Variants in MYO16 observed in about 807,000 individuals in gnomAD.
MYO16 encodes the protein unconventional myosin-XVI.
Under a neutral mutation model 205.3 loss-of-function variants are expected in MYO16, and 94 were observed. That is an observed-to-expected ratio of 0.46 (90% CI 0.39 to 0.54). The LOEUF (loss-of-function observed/expected upper bound fraction) is 0.54. Among genes scored for constraint, MYO16 ranks in the 20% least tolerant of loss-of-function variants. MYO16 has a pLI of 0.00. For missense variants in MYO16, 2,315 were observed against 2,387.5 expected (o/e 0.97, Z 0.63); for synonymous variants, 988 against 954.0 (o/e 1.04, Z -0.66).
At chr13:108,767,290 G>A (rs1254844605) in intron 4 of MYO16, among the ~76,000 whole-genome samples, 4 of 152,072 alleles carry the variant, frequency 2.6e-5, no homozygotes, top group African/African-American at 9.7e-5. Flanking sequence ...TTTTAGTGGA[G>A]ACAAGGTTTC....
chr13:108,902,944 G>A (rs947333267), intron 15 of MYO16, among the ~76,000 whole-genome samples: 3 of 152,142 alleles, frequency 2.0e-5, no homozygotes, highest in Non-Finnish European at 4.4e-5. Flanking sequence ...TCTGAGTAAC[G>A]TGATGAAATC....
intron 4 of MYO16, among the ~76,000 whole-genome samples, chr13:108,767,437 A>C (rs1885817593): frequency 6.6e-6 from 1 of 152,010 alleles, no homozygotes. Context: ...ACATTTATAA[A>C]GGGCTCTTTT....
intron 20 of MYO16, among the ~76,000 whole-genome samples, chr13:108,988,912 C>T (rs1380854103): frequency 6.6e-6 from 1 of 152,098 alleles, no homozygotes; most frequent in African/African-American, 2.4e-5. Flanking sequence ...TCTCCTTATT[C>T]CTGAAGTTGT....
intron 21 of MYO16, among the ~76,000 whole-genome samples, chr13:109,005,753 A>G (rs917166502): frequency 9.9e-5 from 15 of 152,124 alleles, no homozygotes; most frequent in African/African-American, 3.6e-4. Flanking sequence ...CTTTACAGCA[A>G]GTCCACCCAG....
At chr13:108,516,465 C>A in the MYO16 span, among the ~76,000 whole-genome samples, 1 of 152,074 alleles carries the variant, frequency 6.6e-6, no homozygotes, top group South Asian at 2.1e-4. Flanking sequence ...AGCTGTAGAC[C>A]GGAGCTGTTC....
intron 27 of MYO16, among the ~76,000 whole-genome samples, chr13:109,096,175 T>C (rs1214753860): frequency 6.6e-6 from 1 of 152,140 alleles, no homozygotes; most frequent in Non-Finnish European, 1.5e-5. Flanking sequence ...AGTTCAACAC[T>C]GAGTCTCAGC....
At chr13:108,501,165 G>A in the MYO16 span, among the ~76,000 whole-genome samples, 3 of 152,070 alleles carry the variant, frequency 2.0e-5, no homozygotes, top group African/African-American at 4.8e-5. Context: ...TTATTGAAAC[G>A]CCGGACTTTC....
At chr13:108,713,875 T>A (rs1396756810) in intron 3 of MYO16, among the ~76,000 whole-genome samples, 1 of 152,218 alleles carries the variant, frequency 6.6e-6, no homozygotes, top group African/African-American at 2.4e-5. Context: ...ATGAAACGTC[T>A]CTGTTTTACA....
At chr13:108,509,389 T>C in the MYO16 span, among the ~76,000 whole-genome samples, 1 of 152,178 alleles carries the variant, frequency 6.6e-6, no homozygotes, top group Non-Finnish European at 1.5e-5. Flanking sequence ...ATGAAAGAAT[T>C]CATAATCCTA....
chr13:109,153,123 G>A (rs890206939), intron 32 of MYO16, among the ~76,000 whole-genome samples: 2 of 152,104 alleles, frequency 1.3e-5, no homozygotes, highest in African/African-American at 4.8e-5. Flanking sequence ...TTTTACTCAT[G>A]GTATTCTGTT....
chr13:108,679,748 A>T (rs1446729278), intron 2 of MYO16, among the ~76,000 whole-genome samples: 2 of 151,034 alleles, frequency 1.3e-5, no homozygotes, highest in Non-Finnish European at 3.0e-5. Flanking sequence ...TAATAAATAA[A>T]AATAAATAAA....
intron 1 of MYO16, among the ~76,000 whole-genome samples, chr13:108,635,506 TA>T (rs1253284061): frequency 1.6e-4 from 22 of 138,832 alleles, no homozygotes; most frequent in South Asian, 8.2e-4. Flanking sequence ...TTTACCTATT[TA>T]TTTTTTTTTT....
At chr13:109,083,969 G>A (rs1888359785) in intron 27 of MYO16, among the ~76,000 whole-genome samples, 1 of 152,128 alleles carries the variant, frequency 6.6e-6, no homozygotes, top group Non-Finnish European at 1.5e-5. Context: ...CATATATAAT[G>A]CATTATGTAT....
intron 2 of MYO16, among the ~76,000 whole-genome samples, chr13:108,706,715 T>C (rs1883522867): frequency 6.6e-6 from 1 of 152,212 alleles, no homozygotes; most frequent in Non-Finnish European, 1.5e-5. Context: ...GCACACTGGA[T>C]TGGGATTGGA....
rs1363751471 is a variant in MYO16, at chr13:109,141,371, C to G, written c.5159C>G (p.Ala1720Gly). ...KSAAGRKIRE[A>G]EGFETNMNIS... ...GCGGCGGGAAGAAAAATCAGGGAAG[C>G]AGAAGGTAAGCGGAGCAGACATCCC... Residue 1720 changes from alanine (A) to glycine (G), a missense_variant, in exon 32 of 35, where the codon GCA becomes GGA. Physicochemically the swap from Ala to Gly is moderately conservative, Grantham distance 60. This residue lies in a region of MYO16 where 1,097 missense variants were observed against 1,092.0 expected (regional missense o/e 1.00). Transcript: ENST00000457511. The surrounding 1 kb of genome is among the most constrained non-coding windows in gnomAD (Gnocchi z 4.1). The G allele has an allele frequency of 2.6e-6, 4 of 1,526,686 alleles. No homozygotes were observed. In the African/African-American group the frequency reaches 5.6e-5, roughly 21 times the overall value. The allele number at this position is 1,526,686 out of a possible 1,614,324, so 94.6% of individuals were successfully genotyped here. A position where few individuals can be genotyped will look rare whatever the true frequency, so the allele number is the denominator to read the frequency against.
At chr13:108,817,816 T>C (rs577793704) in intron 7 of MYO16, among the ~76,000 whole-genome samples, 1 of 152,344 alleles carries the variant, frequency 6.6e-6, no homozygotes, top group South Asian at 2.1e-4. Context: ...CAATTGAGTA[T>C]GAGCTACTTT....
At chr13:108,828,714 C>G (rs1259505271) in intron 9 of MYO16, among the ~76,000 whole-genome samples, 1 of 152,090 alleles carries the variant, frequency 6.6e-6, no homozygotes, top group Non-Finnish European at 1.5e-5. Context: ...GCAGGACAGG[C>G]TCGAGATGGA....
chr13:108,868,376 C>A (rs1878832874), intron 12 of MYO16, among the ~76,000 whole-genome samples: 1 of 152,114 alleles, frequency 6.6e-6, no homozygotes, highest in African/African-American at 2.4e-5. Flanking sequence ...CTCTGACAGA[C>A]AATGAGATTA....
chr13:108,644,110 C>T (rs1880630365), intron 1 of MYO16, among the ~76,000 whole-genome samples: 1 of 152,192 alleles, frequency 6.6e-6, no homozygotes, highest in South Asian at 2.1e-4. Flanking sequence ...CTTTACCTGG[C>T]TCTTGAGTTT....
Sources: gnomAD v4.1 joint callset for allele counts (sites outside exome capture counted in the v4.1 genomes callset) on GRCh38, gnomAD v4.1.1 for gene constraint, gnomAD v4.1.1 regional missense constraint, Gnocchi (gnomAD v3.1) non-coding constraint, MANE v1.5 for transcripts, NCBI Gene and HGNC (gene_info 2026-07-23, HGNC 2026-07-21) for gene names.